Variants in ORC4 observed in about 807,000 individuals in gnomAD.
ORC4 encodes origin recognition complex, subunit 4 homolog.
A neutral mutation model predicts 63.9 loss-of-function variants in ORC4; 55 were observed. The ratio of observed to expected loss-of-function variants is 0.86; its 90% CI spans 0.69 to 1.08. ORC4 has a LOEUF of 1.08. Among genes scored for constraint, ORC4 ranks in the 50% least tolerant of loss-of-function variants. The pLI is 0.00. For missense variants in ORC4, 511 were observed against 504.4 expected (o/e 1.01, Z -0.13); for synonymous variants, 150 against 168.5 (o/e 0.89, Z 0.85).
chr2:147,935,500 C>T lies in ORC4; in HGVS notation c.*10G>A. 1 of 1,607,396 alleles carries T rather than the reference C, an allele frequency of 6.2e-7. No individual in the cohort carries two copies. The highest frequency in any genetic ancestry group is 1.7e-5 in the Admixed American group (1 of 59,986). ...GAATGAAATGCCAAAGTTGAAGTCA[C>T]TGGTTATATTCATAACCAGCTTAGT... is the stretch of plus-strand genomic sequence containing the variant. On this transcript the variant is annotated 3_prime_UTR_variant, in exon 14 of 14. Coordinates refer to ENST00000392857, the MANE Select transcript of ORC4 (RefSeq NM_181741.4).
intron 9 of ORC4, among the ~76,000 whole-genome samples, chr2:147,945,061 A>G (rs1688583203): frequency 1.3e-5 from 2 of 152,238 alleles, no homozygotes; most frequent in Admixed American, 6.6e-5. Context: ...AATATGGAAG[A>G]TATGTGGCTA....
chr2:147,989,779 A>G (rs932078320), intron 1 of ORC4, among the ~76,000 whole-genome samples: 1 of 152,228 alleles, frequency 6.6e-6, no homozygotes, highest in Non-Finnish European at 1.5e-5. Flanking sequence ...ACACTAATTT[A>G]TATCAAGTTT....
At chr2:147,989,557 T>C (rs1376188532) in intron 1 of ORC4, among the ~76,000 whole-genome samples, 1 of 151,954 alleles carries the variant, frequency 6.6e-6, no homozygotes, top group Non-Finnish European at 1.5e-5. Flanking sequence ...AATACAAAAA[T>C]TAGCCAGGTG....
At chr2:148,020,434 G>C (rs1356876505) in intron 1 of ORC4, among the ~76,000 whole-genome samples, 199 bp downstream of exon 1, 2 of 152,116 alleles carry the variant, frequency 1.3e-5, no homozygotes, top group Non-Finnish European at 2.9e-5. Context: ...CAAGCTCACG[G>C]GGCGGGAGTG....
chr2:148,005,534 A>T (rs1692570412), intron 1 of ORC4, among the ~76,000 whole-genome samples: 1 of 152,042 alleles, frequency 6.6e-6, no homozygotes, highest in South Asian at 2.1e-4. Context: ...AAATTATAAT[A>T]AAAAAGAAAA....
At chr2:147,955,260 TG>T in intron 7 of ORC4, 86 bp downstream of exon 7, 3 of 831,596 alleles carry the variant, frequency 3.6e-6, no homozygotes, top group Admixed American at 2.6e-5. Flanking sequence ...CTTTTTTTTT[TG>T]GCAAAAGCTT....
intron 11 of ORC4, 26 bp from the exon 12 acceptor site, chr2:147,938,419 T>C: frequency 7.8e-7 from 1 of 1,282,756 alleles, no homozygotes; most frequent in Non-Finnish European, 1.1e-6. Flanking sequence ...AAAAAAACTA[T>C]CAGTTTAATG....
intron 1 of ORC4, among the ~76,000 whole-genome samples, chr2:147,998,960 TC>T (rs1201651955): frequency 2.0e-5 from 3 of 152,162 alleles, no homozygotes; most frequent in African/African-American, 7.2e-5. Context: ...AGCTGTCAAT[TC>T]CAGGTTTCAT....
chr2:147,965,523 A>T (rs981419300), intron 4 of ORC4, among the ~76,000 whole-genome samples: 3 of 152,214 alleles, frequency 2.0e-5, no homozygotes, highest in Admixed American at 2.0e-4. Context: ...ACAACAGAAT[A>T]TAACAGTTGT....
At chr2:147,972,481 T>A (rs1472469666) in intron 4 of ORC4, among the ~76,000 whole-genome samples, 1 of 151,976 alleles carries the variant, frequency 6.6e-6, no homozygotes, top group East Asian at 1.9e-4. Flanking sequence ...GGAACAAACA[T>A]CAATTGACAA....
chr2:147,974,290 G>A (rs2627025), intron 2 of ORC4, among the ~76,000 whole-genome samples: 1 of 151,876 alleles, frequency 6.6e-6, no homozygotes. Flanking sequence ...TTTAATTTCT[G>A]TATCTATAAA....
chr2:148,000,499 A>G, intron 1 of ORC4, among the ~76,000 whole-genome samples: 1 of 152,170 alleles, frequency 6.6e-6, no homozygotes, highest in East Asian at 1.9e-4. Flanking sequence ...TAAAATAAAG[A>G]CACTTATATA....
chr2:147,958,828 T>C lies in ORC4; in HGVS notation c.264A>G (p.Glu88=), dbSNP rs769427740. ...NHALKELMEI[E]EVSENVLQVH... Reference sequence around the variant, plus strand: ...CTTGTAATACATTTTCACTCACTTCTTCTATTTCCATGAGTTCTTTCAAAG... The same window carrying C: ...CTTGTAATACATTTTCACTCACTTCCTCTATTTCCATGAGTTCTTTCAAAG... Residue 88 remains glutamate, a synonymous_variant, in exon 5 of 14, where the codon GAA becomes GAG. Transcript: ENST00000392857. The C allele has an allele frequency of 4.1e-6, 6 of 1,456,634 alleles. No individual in the cohort carries two copies. The highest frequency in any genetic ancestry group is 3.4e-5 in the South Asian group (3 of 87,068). The allele number at this position is 1,456,634 out of a possible 1,614,324, so 90.2% of individuals were successfully genotyped here.
intron 1 of ORC4, among the ~76,000 whole-genome samples, chr2:148,016,032 C>T (rs1231276920): frequency 6.6e-6 from 1 of 152,096 alleles, no homozygotes; most frequent in African/African-American, 2.4e-5. Flanking sequence ...AAGAACTCAA[C>T]GTCAACCATT....
chr2:147,981,038 TAAAC>T (rs1690856235), intron 1 of ORC4, among the ~76,000 whole-genome samples: 2 of 152,074 alleles, frequency 1.3e-5, no homozygotes, highest in South Asian at 4.1e-4. Context: ...AACTCAGCCT[TAAAC>T]AAAAAAGAAA....
chr2:147,997,239 G>T (rs1254842479), intron 1 of ORC4, among the ~76,000 whole-genome samples: 1 of 152,072 alleles, frequency 6.6e-6, no homozygotes, highest in African/African-American at 2.4e-5. Context: ...TTCACTAAAA[G>T]ATCAGTGGTT....
rs1329723304 is a variant in ORC4 at position 147,948,234 on chromosome 2, A to C, written c.589-10T>G. On this transcript the variant is annotated splice_polypyrimidine_tract_variant and intron_variant, in intron 8 of 13. Transcript: ENST00000392857. ...AGAGTTCCAAAATATCCTTAAAAAC[A>C]AACAGAAATCTCTATAAGGAAGATG... 1 of 1,584,026 alleles carries C rather than the reference A, an allele frequency of 6.3e-7. No individual in the cohort carries two copies. Among genetic ancestry groups the C allele is most frequent in the Admixed American group, 1.7e-5 (1 of 59,452 alleles).
intron 7 of ORC4, among the ~76,000 whole-genome samples, chr2:147,953,583 A>C (rs1161267577): frequency 6.6e-6 from 1 of 152,210 alleles, no homozygotes; most frequent in African/African-American, 2.4e-5. Flanking sequence ...TTTCTTGTAG[A>C]AATACTTTTT....
At position 147,964,956 on chromosome 2, in the gene ORC4, A is replaced by G. The variant is rs562464421; in HGVS notation, c.226-6090T>C. 7.9e-5 allele frequency among the ~76,000 whole-genome samples: 12 copies of G among 152,276 alleles called. No homozygotes were observed. In the East Asian group the frequency reaches 1.2e-3, roughly 15 times the overall value. On this transcript the variant is annotated intron_variant, in intron 4 of 13. Coordinates refer to ENST00000392857, the MANE Select transcript of ORC4 (RefSeq NM_181741.4). ...GAAAGAACTGTCAGCTAAGAATATA[A>G]TACCCAGCAGCTTCAGAAATAAAGG...
Sources: allele counts gnomAD v4.1 joint callset (sites outside exome capture counted in the v4.1 genomes callset), GRCh38; gene constraint gnomAD v4.1.1; transcripts MANE v1.5; gene names NCBI Gene and HGNC (gene_info 2026-07-23, HGNC 2026-07-21).